TMEM44: variants seen among roughly 807,000 people sequenced by gnomAD.
The protein encoded by TMEM44 is transmembrane protein 44.
A neutral mutation model predicts 47.8 loss-of-function variants in TMEM44; 43 were observed. The ratio of observed to expected loss-of-function variants is 0.90; its 90% CI spans 0.70 to 1.16. The LOEUF (loss-of-function observed/expected upper bound fraction) is 1.16, where lower values mean the gene tolerates loss of function less well. Among genes scored for constraint, TMEM44 ranks in the 50% most tolerant of loss-of-function variants. The pLI is 0.00. For synonymous variants in TMEM44, 277 were observed against 238.8 expected (o/e 1.16, Z -1.48); for missense variants, 568 against 555.2 (o/e 1.02, Z -0.23).
intron 8 of TMEM44, among the ~76,000 whole-genome samples, chr3:194,607,243 C>T (rs1037793772): frequency 4.6e-5 from 7 of 152,156 alleles, no homozygotes; most frequent in South Asian, 2.1e-4. Flanking sequence ...CCTTTGCCTT[C>T]CCCCATGAGT....
chr3:194,626,700 T>G (rs1399332104), intron 2 of TMEM44, among the ~76,000 whole-genome samples: 3 of 150,302 alleles, frequency 2.0e-5, no homozygotes, highest in Admixed American at 6.6e-5. Context: ...TTTTTTTTTT[T>G]TGAGACGGAG....
chr3:194,631,993 G>C (rs1159170386), intron 1 of TMEM44, among the ~76,000 whole-genome samples: 1 of 152,224 alleles, frequency 6.6e-6, no homozygotes, highest in Non-Finnish European at 1.5e-5. Flanking sequence ...CGCCTTGTTA[G>C]TTTCCAGCCT....
At chr3:194,628,011 T>C (rs570180208) in intron 2 of TMEM44, among the ~76,000 whole-genome samples, 3 of 152,060 alleles carry the variant, frequency 2.0e-5, no homozygotes, top group African/African-American at 7.2e-5. Flanking sequence ...AAAGTCACCT[T>C]CTCAATAAGA....
chr3:194,628,888 G>T (rs1485884704), intron 1 of TMEM44, among the ~76,000 whole-genome samples: 3 of 152,230 alleles, frequency 2.0e-5, no homozygotes, highest in Non-Finnish European at 4.4e-5. Context: ...CTCAGGCTGG[G>T]TATGGTGGCT....
intron 5 of TMEM44, among the ~76,000 whole-genome samples, chr3:194,618,442 A>G (rs374416080): frequency 6.7e-6 from 1 of 149,902 alleles, no homozygotes; most frequent in Non-Finnish European, 1.5e-5. Context: ...AATAGTTTAT[A>G]TTAAACTCAT....
chr3:194,610,627 C>T (rs76933271), intron 8 of TMEM44, among the ~76,000 whole-genome samples: 2,337 of 152,202 alleles, frequency 0.015, 60 homozygotes, highest in African/African-American at 0.054. Context: ...ATGGTATATA[C>T]GCCTCCATCA....
intron 9 of TMEM44, chr3:194,593,033 G>A (rs777731499): frequency 1.1e-5 from 17 of 1,613,616 alleles, no homozygotes; most frequent in Admixed American, 6.7e-5. Context: ...GAGCATGATC[G>A]TCCATACCTG....
chr3:194,626,098 T>C (rs1717150715), intron 2 of TMEM44, 108 bp from the exon 3 acceptor site: 1 of 795,980 alleles, frequency 1.3e-6, no homozygotes. Flanking sequence ...GATGCGGTGC[T>C]TTCTTACGTA....
intron 5 of TMEM44, chr3:194,617,527 T>A (rs997390172): frequency 1.6e-6 from 1 of 609,052 alleles, no homozygotes; most frequent in Non-Finnish European, 2.9e-6. Context: ...AGCAAGCAAC[T>A]CCCTTTTCTG....
At chr3:194,624,856 GGT>G (rs1716969488) in intron 3 of TMEM44, among the ~76,000 whole-genome samples, 1 of 152,028 alleles carries the variant, frequency 6.6e-6, no homozygotes, top group Non-Finnish European at 1.5e-5. Context: ...TGGGATTATA[GGT>G]GCATGCCACC....
At position 194,591,944 on chromosome 3, in the gene TMEM44, C is replaced by T. The variant is rs559222699; in HGVS notation, c.1177-3305G>A. Among the ~76,000 whole-genome samples, 6 of 151,818 alleles carry T rather than the reference C, an allele frequency of 4.0e-5. No individual in the cohort carries two copies. In the South Asian group the frequency reaches 6.3e-4, roughly 16 times the overall value. ...TTTATAATAAAATCATTGGGCCAGG[C>T]GTGGTGGCTCACGCCTGTAATCCCA... is the stretch of plus-strand genomic sequence containing the variant. On this transcript the variant is annotated intron_variant, in intron 9 of 9. Coordinates refer to ENST00000347147, the MANE Select transcript of TMEM44 (RefSeq NM_001011655.3).
intron 9 of TMEM44, among the ~76,000 whole-genome samples, chr3:194,604,014 C>T (rs1293273543): frequency 6.6e-6 from 1 of 151,320 alleles, no homozygotes; most frequent in South Asian, 2.1e-4. Context: ...CCACTACACC[C>T]GGCTAATTTT....
intron 3 of TMEM44, among the ~76,000 whole-genome samples, chr3:194,624,092 C>T (rs957564372): frequency 2.6e-5 from 4 of 152,194 alleles, no homozygotes; most frequent in Admixed American, 6.5e-5. Context: ...AGCATCGACC[C>T]GTGAATCAGC....
chr3:194,625,985 G>A lies in TMEM44; in HGVS notation c.270C>T (p.Phe90=). 6.2e-7 allele frequency: 1 copy of A among 1,612,624 alleles called. No individual in the cohort carries two copies. Among genetic ancestry groups the A allele is most frequent in the Non-Finnish European group, 8.5e-7 (1 of 1,178,748 alleles). ...CAATAGCTGCTAGGTAGGCACCAGT[G>A]AAAACCTGGGAGCAAACGGGAAGAG... ...LLARQLTIQV[F]TGAYLAAIDL... The change falls in exon 3 of 10, where the codon TTC becomes TTT. Residue 90 remains phenylalanine (F), a synonymous_variant. Transcript: ENST00000347147.
At chr3:194,593,113 AT>A in intron 9 of TMEM44, 1 of 1,609,732 alleles carries the variant, frequency 6.2e-7, no homozygotes, top group Non-Finnish European at 8.5e-7. Context: ...TGTTGGACAG[AT>A]TTTGCCACCA....
At chr3:194,607,936 A>T (rs986999558) in intron 8 of TMEM44, among the ~76,000 whole-genome samples, 8 of 152,222 alleles carry the variant, frequency 5.3e-5, no homozygotes, top group African/African-American at 1.9e-4. Flanking sequence ...TGTGGGCTTC[A>T]GTGGGAGGGA....
At chr3:194,625,689 C>T (rs1717087868) in intron 3 of TMEM44, among the ~76,000 whole-genome samples, 1 of 152,172 alleles carries the variant, frequency 6.6e-6, no homozygotes, top group Non-Finnish European at 1.5e-5. Context: ...ACCATGTTGG[C>T]CAGGATGGTC....
intron 1 of TMEM44, chr3:194,632,805 T>C: frequency 2.2e-6 from 1 of 449,170 alleles, no homozygotes; most frequent in Non-Finnish European, 4.0e-6. Context: ...GGCGAAGGGC[T>C]GACAATAGCA....
intron 6 of TMEM44, among the ~76,000 whole-genome samples, chr3:194,616,066 T>A (rs1417134933): frequency 2.6e-5 from 4 of 152,120 alleles, no homozygotes; most frequent in African/African-American, 7.2e-5. Flanking sequence ...CCCTTTTTTT[T>A]TTTGAGACAG....
Sources: gnomAD v4.1 joint callset for allele counts (sites outside exome capture counted in the v4.1 genomes callset) on GRCh38, gnomAD v4.1.1 for gene constraint, MANE v1.5 for transcripts, NCBI Gene and HGNC (gene_info 2026-07-23, HGNC 2026-07-21) for gene names.